PCDHA4: variants seen among roughly 807,000 people sequenced by gnomAD.
The protein encoded by PCDHA4 is protocadherin alpha 4.
A neutral mutation model predicts 61.4 loss-of-function variants in PCDHA4; 49 were observed. The observed-to-expected ratio is 0.80, with a 90% CI of 0.63 to 1.01. The LOEUF is 1.01. PCDHA4 is among the 50% of genes least tolerant of loss of function. The pLI is 0.00. For synonymous variants in PCDHA4, 590 were observed against 550.3 expected (o/e 1.07, Z -1.01); for missense variants, 1,254 against 1,235.8 (o/e 1.01, Z -0.22).
chr5:140,843,362 AGGCAGTC>A, intron 1 of PCDHA4: 4 of 1,595,998 alleles, frequency 2.5e-6, no homozygotes, highest in Non-Finnish European at 3.4e-6. Context: ...AGCGTCATCG[AGGCAGTC>A]GGCTGGCGTT....
chr5:140,816,793 C>A (rs531734742), intron 1 of PCDHA4: 1 of 147,620 alleles, frequency 6.8e-6, no homozygotes, highest in African/African-American at 2.5e-5. Context: ...GATCTGCCAG[C>A]TTTTTTTTTT....
chr5:141,003,167 C>T (rs1160809977), intron 3 of PCDHA4, among the ~76,000 whole-genome samples: 1 of 152,180 alleles, frequency 6.6e-6, no homozygotes, highest in Non-Finnish European at 1.5e-5. Context: ...AATCCTAGTC[C>T]CTGAGGCTCA....
intron 1 of PCDHA4, among the ~76,000 whole-genome samples, chr5:140,977,613 G>T (rs1554238687): frequency 2.0e-5 from 3 of 152,150 alleles, no homozygotes; most frequent in African/African-American, 7.2e-5. Flanking sequence ...TTGAGGTAAA[G>T]TATCCCAGAG....
chr5:140,928,829 T>C, intron 1 of PCDHA4: 1 of 1,614,170 alleles, frequency 6.2e-7, no homozygotes, highest in Non-Finnish European at 8.5e-7. Context: ...GACCCACCAC[T>C]TTCCTCCTCT....
At chr5:140,891,889 G>C (rs1319520907) in intron 1 of PCDHA4, among the ~76,000 whole-genome samples, 1 of 152,224 alleles carries the variant, frequency 6.6e-6, no homozygotes, top group Non-Finnish European at 1.5e-5. Context: ...ATGTGACGAT[G>C]CAGCAAGAAG....
chr5:140,979,949 A>G (rs1554241287), intron 2 of PCDHA4, among the ~76,000 whole-genome samples: 2 of 152,248 alleles, frequency 1.3e-5, no homozygotes, highest in African/African-American at 4.8e-5. Context: ...TTAATGTGAA[A>G]TTAGTTTTAG....
intron 1 of PCDHA4, chr5:140,869,548 G>C (rs2051232334): frequency 1.2e-6 from 2 of 1,614,084 alleles, no homozygotes; most frequent in African/African-American, 2.7e-5. Context: ...TAAGCAATCG[G>C]ACTCGCGTTT....
chr5:140,849,843 G>C (rs2150453087), intron 1 of PCDHA4: 3 of 1,598,500 alleles, frequency 1.9e-6, no homozygotes, highest in Non-Finnish European at 1.7e-6. Flanking sequence ...CGACGTGAAC[G>C]ACAACGCACC....
chr5:140,849,842 C>G, intron 1 of PCDHA4: 1 of 1,598,534 alleles, frequency 6.3e-7, no homozygotes, highest in Non-Finnish European at 8.6e-7. Flanking sequence ...CCGACGTGAA[C>G]GACAACGCAC....
intron 1 of PCDHA4, chr5:140,848,760 C>T (rs2150419620): frequency 6.3e-7 from 1 of 1,593,332 alleles, no homozygotes; most frequent in South Asian, 1.1e-5. Context: ...TGTGAATTCT[C>T]GGATCGACCG....
chr5:140,933,694 C>A lies in PCDHA4; in HGVS notation c.2386-45255C>A, dbSNP rs782754431. On this transcript the variant is annotated intron_variant, in intron 1 of 3. Coordinates refer to ENST00000530339, the MANE Select transcript of PCDHA4 (RefSeq NM_018907.4). ...CTCTCACATTTTTTTTCCTATTCCT[C>A]GGACACATTTACTGAGATTGGTGAT... 5.3e-5 allele frequency among the ~76,000 whole-genome samples: 8 copies of A among 151,858 alleles called. No homozygotes were observed. In the South Asian group the frequency reaches 1.7e-3, roughly 31 times the overall value.
chr5:140,917,041 A>G (rs891465527), intron 1 of PCDHA4, among the ~76,000 whole-genome samples: 11 of 152,096 alleles, frequency 7.2e-5, no homozygotes, highest in Non-Finnish European at 1.6e-4. Flanking sequence ...AGTCCAGCAC[A>G]GTGTTGTTCC....
chr5:140,993,012 C>G (rs1307637137), intron 3 of PCDHA4, among the ~76,000 whole-genome samples: 2 of 152,198 alleles, frequency 1.3e-5, no homozygotes, highest in Admixed American at 1.3e-4. Context: ...CCCCAGAGTC[C>G]AGCATCCCCT....
rs372349337 is a variant in PCDHA4, at chr5:140,882,421, C to A, written c.2385+72849C>A. On this transcript the variant is annotated intron_variant, in intron 1 of 3. Transcript: ENST00000530339. ...CCTTCGTGGGCCGCATCGCTCAGGA[C>A]CTGGGGCTGGAGCTGGCGGAGCTGG... is the stretch of plus-strand genomic sequence containing the variant. 5.0e-6 allele frequency: 8 copies of A among 1,613,986 alleles called. No homozygotes were observed. The African/African-American group carries it at 8.0e-5, about 16-fold the overall frequency.
intron 1 of PCDHA4, among the ~76,000 whole-genome samples, chr5:140,833,344 C>A (rs1772415330): frequency 6.6e-6 from 1 of 152,078 alleles, no homozygotes; most frequent in Admixed American, 6.6e-5. Flanking sequence ...GTGAAACATT[C>A]CAGAAAACGA....
At chr5:141,002,203 G>T (rs2153973237) in intron 3 of PCDHA4, among the ~76,000 whole-genome samples, 1 of 152,296 alleles carries the variant, frequency 6.6e-6, no homozygotes, top group East Asian at 1.9e-4. Flanking sequence ...ATAGTCCCCG[G>T]CTTTAATCAA....
At chr5:140,999,173 T>G (rs892201477) in intron 3 of PCDHA4, among the ~76,000 whole-genome samples, 20 of 152,158 alleles carry the variant, frequency 1.3e-4, no homozygotes, top group African/African-American at 4.3e-4. Context: ...GAAAAGAGCC[T>G]GATGGGGAGA....
rs1554145927 is a variant in PCDHA4, at chr5:140,852,587, T to TA, written c.2385+43015_2385+43016insA. ...CACTGTGCCAAGGCTTTTTTATTTT[T>TA]TTTTTTTGTCATTTTCTTTCAAAAC... On this transcript the variant is annotated intron_variant, in intron 1 of 3. Coordinates refer to ENST00000530339, the MANE Select transcript of PCDHA4 (RefSeq NM_018907.4). 484 of 881,862 alleles carry TA rather than the reference T, an allele frequency of 5.5e-4. 26 individuals are homozygous for TA. Among genetic ancestry groups the TA allele is most frequent in the African/African-American group, 4.5e-3 (245 of 54,698 alleles). 54.6% of individuals were successfully genotyped at this position (881,862 alleles called of 1,614,324 possible). A position where few individuals can be genotyped will look rare whatever the true frequency, so the allele number is the denominator to read the frequency against.
chr5:140,824,272 A>G (rs2150133871), intron 1 of PCDHA4: 3 of 1,214,738 alleles, frequency 2.5e-6, no homozygotes, highest in African/African-American at 3.0e-5. Flanking sequence ...TTCATGTATT[A>G]TATGCTTTTT....
Sources: gnomAD v4.1 joint callset for allele counts (sites outside exome capture counted in the v4.1 genomes callset) on GRCh38, gnomAD v4.1.1 for gene constraint, MANE v1.5 for transcripts, NCBI Gene and HGNC (gene_info 2026-07-23, HGNC 2026-07-21) for gene names.